The following PARD3 variants were observed in gnomAD, a reference collection of about 807,000 sequenced individuals.
The protein encoded by PARD3 is partitioning defective 3 homolog.
In PARD3, 75 loss-of-function variants were observed where a neutral mutation model predicts 155.4. The ratio of observed to expected loss-of-function variants is 0.48; its 90% confidence interval spans 0.40 to 0.58. The LOEUF (loss-of-function observed/expected upper bound fraction) is 0.58. PARD3 is among the 20% of genes least tolerant of loss of function. The probability of loss-of-function intolerance (pLI) is 0.00; values close to 1 mark genes in which losing one functional copy is unlikely to be tolerated. For synonymous variants in PARD3, 576 were observed against 610.5 expected (o/e 0.94, Z 0.83); for missense variants, 1,642 against 1,721.7 (o/e 0.95, Z 0.82).
intron 2 of PARD3, among the ~76,000 whole-genome samples, chr10:34,632,840 T>C (rs1345209341): frequency 6.6e-6 from 1 of 152,216 alleles, no homozygotes; most frequent in East Asian, 1.9e-4. Flanking sequence ...ATTCCGATTG[T>C]GATTTTTCTA....
chr10:34,519,366 T>C (rs905463604), intron 2 of PARD3, among the ~76,000 whole-genome samples: 1 of 152,182 alleles, frequency 6.6e-6, no homozygotes, highest in Admixed American at 6.5e-5. Context: ...AAATACTCTG[T>C]AACTATTATT....
intron 21 of PARD3, among the ~76,000 whole-genome samples, chr10:34,282,907 C>T (rs1004073082): frequency 6.6e-5 from 10 of 151,946 alleles, no homozygotes; most frequent in African/African-American, 2.2e-4. Context: ...AGAAAGAGTC[C>T]TACAAAGCAA....
chr10:34,150,008 T>C (rs1016690864), intron 22 of PARD3, among the ~76,000 whole-genome samples: 2 of 152,244 alleles, frequency 1.3e-5, no homozygotes, highest in Non-Finnish European at 2.9e-5. Context: ...AAATAATTTT[T>C]TGGAAATAAG....
chr10:34,623,867 C>G (rs558869761), intron 2 of PARD3, among the ~76,000 whole-genome samples: 4 of 150,220 alleles, frequency 2.7e-5, no homozygotes, highest in South Asian at 4.2e-4. Context: ...TGTAGTCCCA[C>G]CTACTTGGGA....
rs930338127 is a variant in PARD3, at chr10:34,111,701, G to A, written c.3669-139C>T. The A allele has an allele frequency of 7.4e-5, 52 of 701,526 alleles. 1 individual carries two copies. Among genetic ancestry groups the A allele is most frequent in the Non-Finnish European group, 1.1e-4 (45 of 423,626 alleles). The allele number at this position is 701,526 out of a possible 1,614,324, so 43.5% of individuals were successfully genotyped here. A position where few individuals can be genotyped will look rare whatever the true frequency, so the allele number is the denominator to read the frequency against. On this transcript the variant is annotated intron_variant, in intron 24 of 24. Coordinates refer to ENST00000374788, the MANE Select transcript of PARD3 (RefSeq NM_001184785.2). ...TCTCTCATCACATGCCAGACACTGC[G>A]ATAGGGGCTGGAGAATTCAAAAATG...
At position 34,815,254 on chromosome 10, in the gene PARD3, T is replaced by G; in HGVS notation, c.-259A>C. On this transcript the variant is annotated 5_prime_UTR_variant, in exon 1 of 25. Coordinates refer to ENST00000374788, the MANE Select transcript of PARD3 (RefSeq NM_001184785.2). The stretch of plus-strand genomic sequence containing the variant: ...GCGCCCGCAGCCTCCGGCCACCTGT[T>G]CGGCGTCGCGGCGCGCTCGCCGGCG... 1 of 150,728 alleles carries G rather than the reference T, an allele frequency of 6.6e-6. No homozygotes were observed. Among genetic ancestry groups the G allele is most frequent in the Non-Finnish European group, 1.5e-5 (1 of 68,656 alleles). 9.3% of individuals were successfully genotyped at this position (150,728 alleles called of 1,614,324 possible).
chr10:34,712,787 TGAG>T (rs1303308231), intron 1 of PARD3, among the ~76,000 whole-genome samples: 1 of 147,592 alleles, frequency 6.8e-6, no homozygotes, highest in Admixed American at 7.0e-5. Flanking sequence ...GAAGGGAGGG[TGAG>T]GAGATGGTTG....
chr10:34,374,314 T>C (rs1840997328), intron 11 of PARD3, among the ~76,000 whole-genome samples: 1 of 152,212 alleles, frequency 6.6e-6, no homozygotes, highest in Admixed American at 6.5e-5. Flanking sequence ...TTTCATTTCC[T>C]TCATTTATGT....
At chr10:34,793,514 C>T (rs1841908048) in intron 1 of PARD3, among the ~76,000 whole-genome samples, 3 of 152,176 alleles carry the variant, frequency 2.0e-5, no homozygotes, top group African/African-American at 7.2e-5. Flanking sequence ...AGGCTGGGCA[C>T]GGTGCCTCAC....
In PARD3 at chr10:34,632,348, C is replaced by G. The variant is rs140314294; in HGVS notation, c.222+63970G>C. Among the ~76,000 whole-genome samples, 13 of 152,320 alleles carry G rather than the reference C, an allele frequency of 8.5e-5. No individual in the cohort carries two copies. In the East Asian group the frequency reaches 2.1e-3, roughly 25 times the overall value. On this transcript the variant is annotated intron_variant, in intron 2 of 24. Coordinates refer to ENST00000374788, the MANE Select transcript of PARD3 (RefSeq NM_001184785.2). The stretch of plus-strand genomic sequence containing the variant: ...CATCCCTAATCCTAAGAAGTACTCC[C>G]AGAATCCAGCCCCATCCTCTGCGCT...
At chr10:34,371,517 AAAAAAAAAAAAAAAACAACGAAGGAAT>A (rs1840637622) in intron 12 of PARD3, among the ~76,000 whole-genome samples, 9 of 84,506 alleles carry the variant, frequency 1.1e-4, no homozygotes, top group African/African-American at 8.7e-4. Flanking sequence ...AAAAAAAAAA[AAAAAAAAAAAAAAAACAACGAAGGAAT>A]ATTTGAAAAA....
intron 2 of PARD3, among the ~76,000 whole-genome samples, chr10:34,605,180 ATTTTTTTTTTTTTTT>A (rs750688603): frequency 3.2e-5 from 2 of 62,430 alleles, no homozygotes; most frequent in African/African-American, 5.5e-5. Flanking sequence ...CCAAAATGAA[ATTTTTTTTTTTTTTT>A]TTTTTTTTTT....
chr10:34,292,902 G>A (rs1206846726), intron 20 of PARD3, among the ~76,000 whole-genome samples: 5 of 152,034 alleles, frequency 3.3e-5, no homozygotes, highest in East Asian at 3.9e-4. Flanking sequence ...GATATGCCTC[G>A]TAACCTGACA....
At chr10:34,344,941 G>A in intron 15 of PARD3, 1 of 985,424 alleles carries the variant, frequency 1.0e-6, no homozygotes, top group Non-Finnish European at 1.2e-6. Flanking sequence ...TATAAGGTAA[G>A]TTGGCTGGAG....
intron 1 of PARD3, among the ~76,000 whole-genome samples, chr10:34,735,734 C>A (rs558451563): frequency 2.0e-5 from 3 of 152,302 alleles, no homozygotes; most frequent in Non-Finnish European, 4.4e-5. Flanking sequence ...TTTGAAACAA[C>A]CCCCCTTATT....
At chr10:34,685,343 T>A (rs1410723482) in intron 2 of PARD3, among the ~76,000 whole-genome samples, 2 of 152,216 alleles carry the variant, frequency 1.3e-5, no homozygotes, top group African/African-American at 4.8e-5. Context: ...AAGATTAAGA[T>A]GCCTGCATTA....
intron 2 of PARD3, among the ~76,000 whole-genome samples, chr10:34,606,638 CAAAAAAAAAA>C (rs398013195): frequency 1.0e-4 from 8 of 79,636 alleles, no homozygotes; most frequent in South Asian, 1.0e-3. Flanking sequence ...CCCGTGTCTT[CAAAAAAAAAA>C]AAAAAAAAAA....
intron 17 of PARD3, 48 bp from the exon 18 acceptor site, chr10:34,336,291 C>A (rs1223276421): frequency 7.1e-7 from 1 of 1,400,500 alleles, no homozygotes; most frequent in Non-Finnish European, 1.0e-6. Flanking sequence ...GTTCCCATAG[C>A]CCACCATGCT....
intron 7 of PARD3, among the ~76,000 whole-genome samples, chr10:34,390,079 T>C (rs1016449426): frequency 8.5e-5 from 13 of 152,208 alleles, no homozygotes; most frequent in South Asian, 2.1e-4. Context: ...CAAAAGACTA[T>C]TGATTCAGCA....
Sources: allele counts gnomAD v4.1 joint callset (sites outside exome capture counted in the v4.1 genomes callset), GRCh38; gene constraint gnomAD v4.1.1; transcripts MANE v1.5; gene names NCBI Gene and HGNC (gene_info 2026-07-23, HGNC 2026-07-21).